Variants in COL26A1 observed in about 807,000 individuals in gnomAD.
COL26A1 encodes collagen alpha-1(XXVI) chain.
COL26A1 carries 41 observed loss-of-function variants against 59.3 expected under a neutral mutation model. The ratio of observed to expected loss-of-function variants is 0.69; its 90% confidence interval spans 0.54 to 0.90. The LOEUF (loss-of-function observed/expected upper bound fraction) is 0.90, where lower values mean the gene tolerates loss of function less well. Among genes scored for constraint, COL26A1 ranks in the 40% least tolerant of loss-of-function variants. The probability of loss-of-function intolerance (pLI) is 0.00; values close to 1 mark genes in which losing one functional copy is unlikely to be tolerated. For missense variants in COL26A1, 612 were observed against 602.3 expected, an observed-to-expected ratio of 1.02 and a Z score of -0.17; for synonymous variants, 266 against 256.0, an observed-to-expected ratio of 1.04 and a Z score of -0.37.
At chr7:101,495,085 T>A (rs1372169903) in intron 3 of COL26A1, among the ~76,000 whole-genome samples, 1 of 152,158 alleles carries the variant, frequency 6.6e-6, no homozygotes, top group African/African-American at 2.4e-5. Flanking sequence ...ATCCTGAGTG[T>A]TGTCTTAAAG....
intron 2 of COL26A1, among the ~76,000 whole-genome samples, chr7:101,432,805 C>T (rs905631294): frequency 1.3e-5 from 2 of 151,998 alleles, no homozygotes; most frequent in African/African-American, 2.4e-5. Context: ...TGGGTTCAAC[C>T]GATTCTCCTA....
At chr7:101,467,700 TA>T (rs1181527112) in intron 3 of COL26A1, among the ~76,000 whole-genome samples, 5 of 152,016 alleles carry the variant, frequency 3.3e-5, no homozygotes, top group African/African-American at 1.2e-4. Context: ...ACCCTGTCTC[TA>T]CTAAAAATAC....
chr7:101,370,959 T>G (rs1324205209), intron 1 of COL26A1, among the ~76,000 whole-genome samples: 1 of 96,300 alleles, frequency 1.0e-5, no homozygotes. Context: ...GTTCTAGAAC[T>G]CACTTCCCCA....
At chr7:101,461,072 C>T (rs573571153) in intron 3 of COL26A1, among the ~76,000 whole-genome samples, 4 of 152,264 alleles carry the variant, frequency 2.6e-5, no homozygotes, top group Admixed American at 2.0e-4. Context: ...ATCTCCTGGG[C>T]TCAAGTGATC....
intron 3 of COL26A1, among the ~76,000 whole-genome samples, chr7:101,514,658 C>A (rs1794992211): frequency 6.6e-6 from 1 of 152,230 alleles, no homozygotes; most frequent in Non-Finnish European, 1.5e-5. Flanking sequence ...TCAGGACCCC[C>A]CTCCAAGACA....
chr7:101,554,347 C>T (rs929798443), intron 11 of COL26A1, among the ~76,000 whole-genome samples: 10 of 151,880 alleles, frequency 6.6e-5, no homozygotes, highest in Non-Finnish European at 1.2e-4. Context: ...GAATCAAGGC[C>T]GCTGTGAGGG....
intron 1 of COL26A1, among the ~76,000 whole-genome samples, chr7:101,412,132 A>C (rs757786361): frequency 3.9e-5 from 6 of 152,116 alleles, no homozygotes; most frequent in Non-Finnish European, 7.3e-5. Flanking sequence ...CTCCAGGGGC[A>C]GAGCTTGGAC....
At chr7:101,387,778 A>ATTTTTTTTTTTTTTTT (rs1554404085) in intron 1 of COL26A1, among the ~76,000 whole-genome samples, 4 of 84,808 alleles carry the variant, frequency 4.7e-5, no homozygotes, top group East Asian at 2.8e-4. Context: ...ATATATATAT[A>ATTTTTTTTTTTTTTTT]TTTTTTTTTA....
chr7:101,441,749 G>A (rs936181113), intron 2 of COL26A1, among the ~76,000 whole-genome samples: 1 of 152,188 alleles, frequency 6.6e-6, no homozygotes, highest in Non-Finnish European at 1.5e-5. Context: ...GTGAGGTGGA[G>A]GAGGGCCAGC....
intron 12 of COL26A1, among the ~76,000 whole-genome samples, chr7:101,556,892 A>AGTGG (rs1332612922): frequency 2.0e-5 from 2 of 101,042 alleles, no homozygotes; most frequent in Non-Finnish European, 4.3e-5. Flanking sequence ...TGAATGACTG[A>AGTGG]GTGGATGGAT....
At chr7:101,542,735 G>A (rs1008580361) in intron 5 of COL26A1, among the ~76,000 whole-genome samples, 1 of 152,190 alleles carries the variant, frequency 6.6e-6, no homozygotes, top group East Asian at 1.9e-4. Context: ...GGGACTGAAG[G>A]CTGCGGGAGG....
At chr7:101,453,046 C>T (rs1301521542) in intron 3 of COL26A1, among the ~76,000 whole-genome samples, 2 of 152,106 alleles carry the variant, frequency 1.3e-5, no homozygotes, top group Non-Finnish European at 1.5e-5. Context: ...CCACTGTGCC[C>T]GGTCTAAAAT....
At chr7:101,538,680 G>A (rs1387143355) in intron 4 of COL26A1, among the ~76,000 whole-genome samples, 1 of 152,164 alleles carries the variant, frequency 6.6e-6, no homozygotes, top group Non-Finnish European at 1.5e-5. Flanking sequence ...CTGAGCCCAG[G>A]GGGCCCAGCC....
intron 1 of COL26A1, among the ~76,000 whole-genome samples, chr7:101,407,731 A>G (rs1382965276): frequency 6.6e-6 from 1 of 151,856 alleles, no homozygotes; most frequent in Non-Finnish European, 1.5e-5. Context: ...CATACCCCCT[A>G]GCACCATAAC....
chr7:101,516,279 T>TTTTG (rs1563022476), intron 3 of COL26A1, among the ~76,000 whole-genome samples: 2 of 152,108 alleles, frequency 1.3e-5, no homozygotes, highest in African/African-American at 4.8e-5. Flanking sequence ...GTTTTGTTTT[T>TTTTG]TTAGAGAGAG....
chr7:101,461,817 C>T (rs772138728), intron 3 of COL26A1, among the ~76,000 whole-genome samples: 7 of 152,226 alleles, frequency 4.6e-5, no homozygotes, highest in Non-Finnish European at 7.4e-5. Flanking sequence ...CATATAAGTT[C>T]AAGGTCTCGT....
rs1245897675 is a variant in COL26A1 at position 101,558,597 on chromosome 7, C to T, written c.*1067C>T. ...CTGCTGGGAAGAGATGCTCCTGCCT[C>T]CCACCTTCCAGAGTTGGGGGCCTGG... On this transcript the variant is annotated 3_prime_UTR_variant, in exon 13 of 13. Coordinates refer to ENST00000313669, the MANE Select transcript of COL26A1 (RefSeq NM_001278563.3). 1 of 152,252 alleles carries T rather than the reference C, an allele frequency of 6.6e-6. No homozygotes were observed. The highest frequency in any genetic ancestry group is 1.5e-5 in the Non-Finnish European group (1 of 68,084). 9.4% of individuals were successfully genotyped at this position (152,252 alleles called of 1,614,324 possible).
At position 101,475,785 on chromosome 7, in the gene COL26A1, TTTCC is replaced by T. The variant is rs1202383058; in HGVS notation, c.385+28018_385+28021del. On this transcript the variant is annotated intron_variant, in intron 3 of 12. Transcript: ENST00000313669. Reference sequence around the variant, plus strand: ...TTCTTTCTCTTTCTTTCTTTCTTTCTTTCCTTCCTTCCTTCCTTCCTTCTTTCTT... The same window carrying T: ...TTCTTTCTCTTTCTTTCTTTCTTTCTTTCCTTCCTTCCTTCCTTCTTTCTT... Among the ~76,000 whole-genome samples the T allele has an allele frequency of 4.0e-3, 408 of 100,844 alleles. 6 individuals are homozygous for T. Among genetic ancestry groups the T allele is most frequent in the Middle Eastern group, 0.018 (4 of 228 alleles). The allele number at this position is 100,844 out of a possible 152,430, so 66.2% of individuals were successfully genotyped here.
chr7:101,376,024 G>C (rs1359791315), intron 1 of COL26A1, among the ~76,000 whole-genome samples: 1 of 150,654 alleles, frequency 6.6e-6, no homozygotes, highest in South Asian at 2.1e-4. Context: ...AGCCAGGCAC[G>C]GTGATGTGTG....
Sources: allele counts gnomAD v4.1 joint callset (sites outside exome capture counted in the v4.1 genomes callset), GRCh38; gene constraint gnomAD v4.1.1; transcripts MANE v1.5; gene names NCBI Gene and HGNC (gene_info 2026-07-23, HGNC 2026-07-21).